The following EVL variants were observed in gnomAD, a reference collection of about 807,000 sequenced individuals.
EVL encodes the protein Enah/Vasp-like.
EVL carries 21 observed loss-of-function variants against 59.6 expected under a neutral mutation model. The observed-to-expected ratio is 0.35, with a 90% CI of 0.25 to 0.51. The LOEUF (loss-of-function observed/expected upper bound fraction) is 0.51. Ranked by LOEUF, EVL falls within the 20% of genes least tolerant of loss-of-function variation. The pLI is 0.97. For missense variants in EVL, 462 were observed against 546.6 expected (o/e 0.85, Z 1.54); for synonymous variants, 198 against 203.5 (o/e 0.97, Z 0.23).
intron 1 of EVL, among the ~76,000 whole-genome samples, chr14:100,032,794 A>G (rs546236012): frequency 6.6e-6 from 1 of 152,324 alleles, no homozygotes; most frequent in South Asian, 2.1e-4. Flanking sequence ...CTTAAGGTAT[A>G]TAATAAACAA....
At chr14:99,986,152 C>T (rs752318422) in intron 1 of EVL, among the ~76,000 whole-genome samples, 5 of 151,308 alleles carry the variant, frequency 3.3e-5, no homozygotes, top group African/African-American at 1.2e-4. Flanking sequence ...ATTAGCCAGA[C>T]GTGGTGGCAT....
intron 1 of EVL, among the ~76,000 whole-genome samples, chr14:100,060,239 G>A (rs925688317): frequency 6.6e-6 from 1 of 151,768 alleles, no homozygotes; most frequent in African/African-American, 2.4e-5. Flanking sequence ...GACCATCCTG[G>A]CTAACACAGT....
intron 3 of EVL, among the ~76,000 whole-genome samples, chr14:100,102,868 C>A (rs145596058): frequency 6.6e-6 from 1 of 152,090 alleles, no homozygotes; most frequent in South Asian, 2.1e-4. Flanking sequence ...GAGGCTGAGG[C>A]GGGCGGATCA....
chr14:100,043,052 A>G (rs957367236), intron 1 of EVL, among the ~76,000 whole-genome samples: 16 of 152,072 alleles, frequency 1.1e-4, no homozygotes, highest in African/African-American at 3.4e-4. Flanking sequence ...TCAGCATATC[A>G]GCTCCATCAA....
chr14:100,056,868 C>T (rs1326492547), intron 1 of EVL, among the ~76,000 whole-genome samples: 1 of 152,116 alleles, frequency 6.6e-6, no homozygotes, highest in South Asian at 2.1e-4. Context: ...TGAACACACA[C>T]CATGTACCAA....
In EVL at chr14:100,025,788, T is replaced by C. The variant is rs1342393104; in HGVS notation, c.5+53731T>C. Among the ~76,000 whole-genome samples, 5 of 152,076 alleles carry C rather than the reference T, an allele frequency of 3.3e-5. No individual in the cohort carries two copies. In the South Asian group the frequency reaches 6.2e-4, roughly 19 times the overall value. Reference sequence around the variant, plus strand: ...AATACAAAATACAAAAATACAAAATTAGCCAGGCATAGTGGCGCATGCCTG... The same window carrying C: ...AATACAAAATACAAAAATACAAAATCAGCCAGGCATAGTGGCGCATGCCTG... On this transcript the variant is annotated intron_variant, in intron 1 of 13. Coordinates refer to the EVL transcript ENST00000402714.
At chr14:100,022,241 G>A (rs2061138191) in intron 1 of EVL, among the ~76,000 whole-genome samples, 1 of 151,020 alleles carries the variant, frequency 6.6e-6, no homozygotes, top group Non-Finnish European at 1.5e-5. Flanking sequence ...CACATCCCCA[G>A]CCCTGAGAGC....
rs745719022 is a variant in EVL, at chr14:100,126,659, GT to G, written c.423-47del. 7 of 1,602,186 alleles carry G rather than the reference GT, an allele frequency of 4.4e-6. No individual in the cohort carries two copies. In the South Asian group the frequency reaches 4.4e-5, roughly 10 times the overall value. Reference sequence around the variant, plus strand: ...TACAGCACAGGCACAGAGTGTGGTGGTCTCCAGAGTGGAGGAGTCAGACTGC... The same window carrying G: ...TACAGCACAGGCACAGAGTGTGGTGGCTCCAGAGTGGAGGAGTCAGACTGC... On this transcript the variant is annotated intron_variant, in intron 4 of 13. Coordinates refer to ENST00000392920, the MANE Select transcript of EVL (RefSeq NM_016337.3).
rs116582764 is a variant in EVL, at chr14:100,113,049, G to A, written c.359-10490G>A. Reference sequence around the variant, plus strand: ...GAACACAGGGCTTCTTGCAGGGGAGGCTGTGGTGAAGGGGAGAGCTACTGG... The same window carrying A: ...GAACACAGGGCTTCTTGCAGGGGAGACTGTGGTGAAGGGGAGAGCTACTGG... On this transcript the variant is annotated intron_variant, in intron 3 of 13. Transcript: ENST00000392920. Among the ~76,000 whole-genome samples the A allele has an allele frequency of 7.5e-3, 1,139 of 152,336 alleles. 19 individuals are homozygous for A. The highest frequency in any genetic ancestry group is 0.026 in the African/African-American group (1,072 of 41,570).
intron 2 of EVL, among the ~76,000 whole-genome samples, chr14:100,092,941 G>A (rs2062595722): frequency 6.6e-6 from 1 of 152,212 alleles, no homozygotes; most frequent in Non-Finnish European, 1.5e-5. Flanking sequence ...CTCTACAAGT[G>A]AGTGTTGGGT....
intron 1 of EVL, among the ~76,000 whole-genome samples, chr14:99,974,033 C>CAACA (rs1566959686): frequency 2.0e-5 from 3 of 152,098 alleles, no homozygotes. Flanking sequence ...GCAGGTCTGG[C>CAACA]AACAAATTCT....
chr14:100,012,801 C>A (rs966151649), intron 1 of EVL, among the ~76,000 whole-genome samples: 1 of 152,088 alleles, frequency 6.6e-6, no homozygotes, highest in African/African-American at 2.4e-5. Context: ...AATCTGAGAG[C>A]CACATGAAAC....
At chr14:100,036,598 T>C (rs765339591) in intron 1 of EVL, among the ~76,000 whole-genome samples, 3 of 152,170 alleles carry the variant, frequency 2.0e-5, no homozygotes, top group Non-Finnish European at 4.4e-5. Flanking sequence ...TCATTGTTCA[T>C]GTCTGTTACT....
At chr14:100,143,591 G>A in intron 13 of EVL, 110 bp from the exon 14 acceptor site, 2 of 1,347,084 alleles carry the variant, frequency 1.5e-6, no homozygotes, top group Non-Finnish European at 1.0e-6. Flanking sequence ...CCCAGGAGAT[G>A]GAACAGGGAC....
At chr14:100,078,853 G>A (rs2062226311) in intron 1 of EVL, among the ~76,000 whole-genome samples, 1 of 152,172 alleles carries the variant, frequency 6.6e-6, no homozygotes, top group African/African-American at 2.4e-5. Flanking sequence ...CAGTCCTACT[G>A]GGAAGAAAAA....
intron 1 of EVL, among the ~76,000 whole-genome samples, chr14:100,058,757 T>A (rs1411971658): frequency 6.6e-6 from 1 of 152,164 alleles, no homozygotes; most frequent in Non-Finnish European, 1.5e-5. Flanking sequence ...GGAATCCCTA[T>A]CTCATAGCAC....
chr14:99,984,213 T>G (rs963564036), intron 1 of EVL, among the ~76,000 whole-genome samples: 2 of 152,232 alleles, frequency 1.3e-5, no homozygotes, highest in Non-Finnish European at 2.9e-5. Context: ...TACTGAGGTG[T>G]CAGTGATTTA....
At chr14:100,142,532 G>A (rs1889246453) in intron 13 of EVL, among the ~76,000 whole-genome samples, 1 of 152,244 alleles carries the variant, frequency 6.6e-6, no homozygotes, top group Non-Finnish European at 1.5e-5. Flanking sequence ...GCTGACACCT[G>A]GGTGTGTAGC....
chr14:100,030,618 A>G (rs75535234), intron 1 of EVL, among the ~76,000 whole-genome samples: 2,117 of 152,294 alleles, frequency 0.014, 49 homozygotes, highest in African/African-American at 0.048. Flanking sequence ...GAAGATAATC[A>G]TGTTTGCTAC....
Sources: gnomAD v4.1 joint callset for allele counts (sites outside exome capture counted in the v4.1 genomes callset) on GRCh38, gnomAD v4.1.1 for gene constraint, MANE v1.5 for transcripts, NCBI Gene and HGNC (gene_info 2026-07-23, HGNC 2026-07-21) for gene names.